Variants in COL2A1 observed in about 807,000 individuals in gnomAD.
COL2A1 encodes collagen alpha-1(II) chain.
COL2A1 carries 28 observed loss-of-function variants against 204.5 expected under a neutral mutation model. The ratio of observed to expected loss-of-function variants is 0.14; its 90% CI spans 0.10 to 0.19. COL2A1 has a LOEUF of 0.19. COL2A1 is among the 10% of genes least tolerant of loss of function. COL2A1 has a pLI of 1.00. For synonymous variants in COL2A1, 708 were observed against 718.7 expected (o/e 0.99, Z 0.24); for missense variants, 1,388 against 2,027.5 (o/e 0.68, Z 6.06).
At chr12:47,982,412 C>A (rs1336915527) in intron 34 of COL2A1, 90 bp downstream of exon 34, 16 of 1,106,816 alleles carry the variant, frequency 1.4e-5, no homozygotes, top group Middle Eastern at 1.9e-4. Flanking sequence ...CCTTCATCAC[C>A]AGGTGCCATA....
At position 47,978,015 on chromosome 12, in the gene COL2A1, G is replaced by C. The variant is rs748459670; in HGVS notation, c.3106C>G (p.Arg1036Gly). Residue 1036 changes from arginine (R) to glycine (G), a missense_variant, in exon 44 of 54, where the codon CGA becomes GGA. Coordinates refer to ENST00000380518, the MANE Select transcript of COL2A1 (RefSeq NM_001844.5). The surrounding 1 kb of genome is among the most constrained non-coding windows in gnomAD (Gnocchi z 5.5). ...GLTGPAGEPG[R>G]EGSPGADGPP... ...CAGGGGGTCTCACTGCTCACCTCTC[G>C]TCCAGGTTCACCTGCAGGACCCGTC... is the stretch of plus-strand genomic sequence containing the variant. 2.7e-5 allele frequency: 44 copies of C among 1,613,156 alleles called. 3 individuals are homozygous for C. Among genetic ancestry groups the C allele is most frequent in the Non-Finnish European group, 3.6e-5 (42 of 1,179,802 alleles).
intron 11 of COL2A1, 124 bp from the exon 12 acceptor site, chr12:47,994,601 C>T (rs1939862995): frequency 1.0e-6 from 1 of 965,210 alleles, no homozygotes; most frequent in Admixed American, 2.0e-5. Context: ...TCATCTCCCT[C>T]ACCTCCTTCA....
At position 47,976,105 on chromosome 12, in the gene COL2A1, C is replaced by A; in HGVS notation, c.3490-35G>T. 6.6e-7 allele frequency: 1 copy of A among 1,507,554 alleles called. No homozygotes were observed. Among genetic ancestry groups the A allele is most frequent in the Non-Finnish European group, 9.2e-7 (1 of 1,083,142 alleles). The allele number at this position is 1,507,554 out of a possible 1,614,324, so 93.4% of individuals were successfully genotyped here. On this transcript the variant is annotated intron_variant, in intron 49 of 53. Transcript: ENST00000380518. This position sits in a 1 kb window ranked among gnomAD's most constrained non-coding sequence, Gnocchi z 4.3. ...AGAGAGGTCGTGAGGAAAGAGTGGT[C>A]ACCACAGGGAAGGCTGGGGAGTCGC...
intron 3 of COL2A1, 88 bp from the exon 4 acceptor site, chr12:47,998,289 T>C (rs2136629700): frequency 1.3e-6 from 2 of 1,576,268 alleles, no homozygotes; most frequent in Admixed American, 3.3e-5. Flanking sequence ...TGTGTTGAGG[T>C]ACCCTCTGAA....
At position 47,977,656 on chromosome 12, in the gene COL2A1, G is replaced by A. The variant is rs1199615123; in HGVS notation, c.3112-3C>T. 2 of 1,613,972 alleles carry A rather than the reference G, an allele frequency of 1.2e-6. No individual in the cohort carries two copies. Among genetic ancestry groups the A allele is most frequent in the Admixed American group, 1.7e-5 (1 of 60,008 alleles). ...GGGCCATCAGCACCGGGGCTTCCCT[G>A]GACAAAGTGAAACAAGAATGCACTT... is the stretch of plus-strand genomic sequence containing the variant. On this transcript the variant is annotated splice_polypyrimidine_tract_variant and splice_region_variant and intron_variant, in intron 44 of 53. Coordinates refer to ENST00000380518, the MANE Select transcript of COL2A1 (RefSeq NM_001844.5).
chr12:47,995,346 G>A lies in COL2A1; in HGVS notation c.709-38C>T, dbSNP rs1939904602. ...GAAGATAGTTTAAGAGATGGTTATA[G>A]TGGGAAGACACCTAAGCAATGGACA... On this transcript the variant is annotated intron_variant, in intron 10 of 53. Transcript: ENST00000380518. 1.6e-5 allele frequency: 25 copies of A among 1,556,018 alleles called. No individual in the cohort carries two copies. The East Asian group carries it at 1.8e-4, about 11-fold the overall frequency.
In COL2A1 at chr12:47,983,365, C is replaced by T; in HGVS notation, c.2049+20G>A. 6.2e-7 allele frequency: 1 copy of T among 1,613,584 alleles called. No homozygotes were observed. Among genetic ancestry groups the T allele is most frequent in the South Asian group, 1.1e-5 (1 of 91,034 alleles). On this transcript the variant is annotated intron_variant, in intron 31 of 53. Transcript: ENST00000380518. ...CTTCCCATCTAAACAGGTTGCAGGTCCAAAGAGCCCCATACTCACCTGGTC... is the reference window on the plus strand; with the variant it reads ...CTTCCCATCTAAACAGGTTGCAGGTTCAAAGAGCCCCATACTCACCTGGTC...
intron 2 of COL2A1, among the ~76,000 whole-genome samples, chr12:47,999,314 C>G (rs186946317): frequency 6.6e-6 from 1 of 152,188 alleles, no homozygotes. Flanking sequence ...TGTCTCCACC[C>G]GTCCCCACGA....
Position 47,987,091 on chromosome 12 carries a change from G to A in COL2A1, c.1352C>T (p.Pro451Leu), listed in dbSNP as rs766208636. Reference protein sequence around the residue: ...GPQGATGPLGPKGQTGEPGIA... With the variant: ...GPQGATGPLGLKGQTGEPGIA... Reference sequence around the variant, plus strand: ...TTGGGCTCTTACCGTCTGACCTTTCGGGCCCAGAGGACCAGTTGCACCTTG... The same window carrying A: ...TTGGGCTCTTACCGTCTGACCTTTCAGGCCCAGAGGACCAGTTGCACCTTG... Residue 451 changes from proline (P) to leucine (L), a missense_variant, in exon 21 of 54, where the codon CCG becomes CTG. Coordinates refer to ENST00000380518, the MANE Select transcript of COL2A1 (RefSeq NM_001844.5). This position sits in a 1 kb window ranked among gnomAD's most constrained non-coding sequence, Gnocchi z 4.1. 2.6e-5 allele frequency: 42 copies of A among 1,613,964 alleles called. No homozygotes were observed. Among genetic ancestry groups the A allele is most frequent in the Admixed American group, 1.7e-5 (1 of 60,008 alleles).
At chr12:47,985,392 G>A (rs1471669293) in intron 26 of COL2A1, 142 bp downstream of exon 26, 21 of 903,416 alleles carry the variant, frequency 2.3e-5, no homozygotes, top group Non-Finnish European at 3.4e-5. Context: ...TCTGGCCCCA[G>A]TGCCTACCAT....
In COL2A1 at chr12:47,975,457, C is replaced by G. The variant is rs1938654447; in HGVS notation, c.3746G>C (p.Arg1249Thr). 1 of 1,614,016 alleles carries G rather than the reference C, an allele frequency of 6.2e-7. No homozygotes were observed. ...MRADQAAGGL[R>T]QHDAEVDATL... Reference sequence around the variant, plus strand: ...GGCATCCACCTCGGCGTCATGCTGTCTCAGGCCACCGGCTGCCTGGTCGGC... The same window carrying G: ...GGCATCCACCTCGGCGTCATGCTGTGTCAGGCCACCGGCTGCCTGGTCGGC... The change falls in exon 51 of 54, where the codon AGA becomes ACA. Residue 1249 changes from arginine to threonine, a missense_variant. Arg to Thr is a moderately conservative substitution (Grantham distance 71). Coordinates refer to ENST00000380518, the MANE Select transcript of COL2A1 (RefSeq NM_001844.5).
At chr12:47,981,747 G>A (rs1251882387) in intron 36 of COL2A1, 29 bp downstream of exon 36, 4 of 1,550,350 alleles carry the variant, frequency 2.6e-6, no homozygotes, top group Non-Finnish European at 2.6e-6. Context: ...GGGAGGCAAG[G>A]TGTGGAGAGG....
chr12:47,977,910 T>C, intron 44 of COL2A1, 100 bp downstream of exon 44: 2 of 1,191,322 alleles, frequency 1.7e-6, no homozygotes, highest in Non-Finnish European at 2.4e-6. Flanking sequence ...CACCCCCTTC[T>C]CCAGGGCCCT....
chr12:47,988,857 C>T (rs1452038380), intron 18 of COL2A1, among the ~76,000 whole-genome samples: 1 of 152,256 alleles, frequency 6.6e-6, no homozygotes, highest in Non-Finnish European at 1.5e-5. Flanking sequence ...CCCTCCAGTG[C>T]CCGTCAGGGC....
intron 10 of COL2A1, 146 bp from the exon 11 acceptor site, chr12:47,995,454 T>C (rs761200052): frequency 6.0e-6 from 5 of 837,694 alleles, no homozygotes; most frequent in Non-Finnish European, 6.2e-6. Flanking sequence ...GCAGAGATCA[T>C]AGTGGGACGC....
intron 7 of COL2A1, 100 bp downstream of exon 7, chr12:47,997,506 G>A: frequency 6.2e-7 from 1 of 1,606,092 alleles, no homozygotes; most frequent in South Asian, 1.1e-5. Flanking sequence ...TGTACACACT[G>A]CTGGCAGCCC....
At chr12:47,985,128 A>T in intron 26 of COL2A1, 35 bp from the exon 27 acceptor site, 1 of 1,542,738 alleles carries the variant, frequency 6.5e-7, no homozygotes, top group Non-Finnish European at 8.9e-7. Flanking sequence ...GAACATAGAC[A>T]CTCTGACCAC....
At chr12:48,004,770 A>G (rs1940399918), upstream of COL2A1, among the ~76,000 whole-genome samples, 1 of 151,958 alleles carries the variant, frequency 6.6e-6, no homozygotes, top group African/African-American at 2.4e-5. Flanking sequence ...CCCTCTGACC[A>G]CAGGCGGGAA....
chr12:47,981,459 CA>C, intron 36 of COL2A1, 63 bp from the exon 37 acceptor site: 2 of 1,467,078 alleles, frequency 1.4e-6, no homozygotes, highest in African/African-American at 2.8e-5. Flanking sequence ...TGGGAGAGGG[CA>C]AAGTGCATTT....
Sources: allele counts gnomAD v4.1 joint callset (sites outside exome capture counted in the v4.1 genomes callset), GRCh38; gene constraint gnomAD v4.1.1; non-coding constraint Gnocchi (gnomAD v3.1); transcripts MANE v1.5; gene names NCBI Gene and HGNC (gene_info 2026-07-23, HGNC 2026-07-21).